Variants in IQGAP2 observed in about 807,000 individuals in gnomAD.
The protein encoded by IQGAP2 is ras GTPase-activating-like protein IQGAP2.
In IQGAP2, 173 loss-of-function variants were observed where a neutral mutation model predicts 201.3. The observed-to-expected ratio is 0.86, with a 90% CI of 0.76 to 0.98. The LOEUF is 0.98. IQGAP2 is among the 50% of genes least tolerant of loss of function. The pLI is 0.00. For synonymous variants in IQGAP2, 675 were observed against 673.9 expected (o/e 1.00, Z -0.03); for missense variants, 1,687 against 1,864.8 (o/e 0.90, Z 1.76).
intron 2 of IQGAP2, among the ~76,000 whole-genome samples, chr5:76,481,954 G>C (rs1280088012): frequency 6.6e-6 from 1 of 152,182 alleles, no homozygotes; most frequent in Non-Finnish European, 1.5e-5. Context: ...CATGTATTAG[G>C]AGGCAAATTA....
chr5:76,662,668 C>G (rs1743365228), intron 21 of IQGAP2, among the ~76,000 whole-genome samples: 1 of 152,174 alleles, frequency 6.6e-6, no homozygotes, highest in South Asian at 2.1e-4. Flanking sequence ...CACTGTAAGC[C>G]ACATTTATTC....
Position 76,695,539 on chromosome 5 carries a change from T to C in IQGAP2, c.4079T>C (p.Ile1360Thr), listed in dbSNP as rs372408098. The C allele has an allele frequency of 1.8e-5, 29 of 1,614,048 alleles. 1 individual carries two copies. Among genetic ancestry groups the C allele is most frequent in the East Asian group, 1.1e-4 (5 of 44,892 alleles). Residue 1360 changes from isoleucine (I) to threonine (T), a missense_variant, in exon 32 of 36, where the codon ATT becomes ACT. Physicochemically the swap from Ile to Thr is moderately conservative, Grantham distance 89. Coordinates refer to ENST00000274364, the MANE Select transcript of IQGAP2 (RefSeq NM_006633.5). ...PEEMKHSQSM[I>T]EDAQLPLEQK... ...GAAATGAAGCATAGCCAATCTATGA[T>C]TGAAGATGCACAGCTGCCTCTTGAG...
At chr5:76,567,833 A>T (rs1173918223) in intron 3 of IQGAP2, among the ~76,000 whole-genome samples, 1 of 152,196 alleles carries the variant, frequency 6.6e-6, no homozygotes. Context: ...TTCCTCATCT[A>T]TGCAGTTTAA....
intron 15 of IQGAP2, among the ~76,000 whole-genome samples, chr5:76,636,757 G>A (rs530754676): frequency 7.2e-5 from 11 of 152,150 alleles, no homozygotes; most frequent in Non-Finnish European, 1.5e-4. Flanking sequence ...CTTCTCTTTG[G>A]CTGCTTTTGG....
At chr5:76,699,087 C>T (rs1368854878) in intron 33 of IQGAP2, among the ~76,000 whole-genome samples, 2 of 152,142 alleles carry the variant, frequency 1.3e-5, no homozygotes, top group African/African-American at 2.4e-5. Context: ...ACTGATTCCT[C>T]CTAAGATTTC....
intron 3 of IQGAP2, among the ~76,000 whole-genome samples, chr5:76,567,320 G>A (rs998467595): frequency 1.2e-4 from 19 of 152,266 alleles, no homozygotes; most frequent in African/African-American, 3.6e-4. Flanking sequence ...GGAGCATTTC[G>A]GATTTCGGAT....
chr5:76,403,645 G>C lies in IQGAP2; in HGVS notation c.46+54G>C. ...GCTGGCCTTGGGGAGCTCCCTCCCC[G>C]AGGACGGCGTTGGAGAAGCCGAGGG... On this transcript the variant is annotated intron_variant, in intron 1 of 35. Transcript: ENST00000274364. The surrounding 1 kb of genome is among the most constrained non-coding windows in gnomAD (Gnocchi z 4.8). 6.4e-6 allele frequency: 9 copies of C among 1,396,246 alleles called. No homozygotes were observed. The highest frequency in any genetic ancestry group is 1.9e-4 in the Middle Eastern group (1 of 5,336). The allele number at this position is 1,396,246 out of a possible 1,614,324, so 86.5% of individuals were successfully genotyped here.
At chr5:76,656,646 T>A (rs1580739303) in intron 20 of IQGAP2, among the ~76,000 whole-genome samples, 1 of 152,290 alleles carries the variant, frequency 6.6e-6, no homozygotes, top group Non-Finnish European at 1.5e-5. Flanking sequence ...TGTTTTTTTT[T>A]AAGCAGTTAT....
chr5:76,430,416 A>G (rs1752299705), intron 1 of IQGAP2, among the ~76,000 whole-genome samples: 1 of 152,236 alleles, frequency 6.6e-6, no homozygotes, highest in Non-Finnish European at 1.5e-5. Flanking sequence ...TTACCAGAGC[A>G]TCTGCGAGTT....
chr5:76,671,750 C>G lies in IQGAP2; in HGVS notation c.2844-9C>G. ...GCAAACCATTTTGTTTTGTCTTGGG[C>G]TTTTTTAGATCAAAAGTGGACCAGG... On this transcript the variant is annotated splice_polypyrimidine_tract_variant and intron_variant, in intron 23 of 35. Transcript: ENST00000274364. The G allele has an allele frequency of 1.3e-6, 2 of 1,572,932 alleles. No homozygotes were observed. Among genetic ancestry groups the G allele is most frequent in the Non-Finnish European group, 1.7e-6 (2 of 1,146,560 alleles).
At position 76,697,514 on chromosome 5, in the gene IQGAP2, C is replaced by A. The variant is rs538101409; in HGVS notation, c.4207-473C>A. Among the ~76,000 whole-genome samples, 219 of 152,212 alleles carry A rather than the reference C, an allele frequency of 1.4e-3. 3 individuals are homozygous for A. The highest frequency in any genetic ancestry group is 4.2e-3 in the African/African-American group (174 of 41,526). ...CAAAAATTAGCCAGGCATATTGGCA[C>A]GGGCCTGCAGCCCCAGCTACTCAGG... On this transcript the variant is annotated intron_variant, in intron 32 of 35. Transcript: ENST00000274364.
At chr5:76,619,648 C>T (rs918582573) in intron 13 of IQGAP2, among the ~76,000 whole-genome samples, 1 of 151,700 alleles carries the variant, frequency 6.6e-6, no homozygotes, top group Non-Finnish European at 1.5e-5. Context: ...TCCCCAGTAG[C>T]TGGGACTACA....
At chr5:76,482,299 A>G (rs1755839569) in intron 2 of IQGAP2, among the ~76,000 whole-genome samples, 1 of 152,214 alleles carries the variant, frequency 6.6e-6, no homozygotes, top group African/African-American at 2.4e-5. Context: ...CTGAAGTTAA[A>G]TAACCAAAAT....
At chr5:76,420,159 A>G (rs1751650644) in intron 1 of IQGAP2, among the ~76,000 whole-genome samples, 1 of 152,130 alleles carries the variant, frequency 6.6e-6, no homozygotes, top group South Asian at 2.1e-4. Context: ...GGTGATGAAT[A>G]GATATTTTTA....
chr5:76,557,908 G>A (rs111790429), intron 2 of IQGAP2, among the ~76,000 whole-genome samples: 23,087 of 152,062 alleles, frequency 0.15, 1,923 homozygotes, highest in Admixed American at 0.27. Context: ...TCAGATTCAA[G>A]CGATTCTCCT....
intron 23 of IQGAP2, among the ~76,000 whole-genome samples, chr5:76,669,988 A>G (rs1291104014): frequency 6.6e-6 from 1 of 151,958 alleles, no homozygotes; most frequent in Non-Finnish European, 1.5e-5. Flanking sequence ...ACGCCTGGCT[A>G]ATTTTTGTAT....
At chr5:76,582,519 G>A (rs919656707) in intron 5 of IQGAP2, among the ~76,000 whole-genome samples, 1 of 152,098 alleles carries the variant, frequency 6.6e-6, no homozygotes, top group African/African-American at 2.4e-5. Flanking sequence ...CTACCATGAG[G>A]CTTTGATATA....
At chr5:76,643,419 T>A (rs749591655) in intron 17 of IQGAP2, among the ~76,000 whole-genome samples, 5 of 152,200 alleles carry the variant, frequency 3.3e-5, no homozygotes, top group Non-Finnish European at 5.9e-5. Context: ...AAAAATATAA[T>A]GCCCATTTTA....
rs758757717 is a variant in IQGAP2 at position 76,673,492 on chromosome 5, C to T, written c.3112C>T (p.Pro1038Ser). 3.6e-5 allele frequency: 58 copies of T among 1,613,832 alleles called. No homozygotes were observed. Among genetic ancestry groups the T allele is most frequent in the Non-Finnish European group, 4.3e-5 (51 of 1,179,942 alleles). Residue 1038 changes from proline to serine, a missense_variant, in exon 25 of 36, where the codon CCA (proline) becomes TCA (serine). Transcript: ENST00000274364. ...DVTTEQALTYPEVKNKLEASI... is the reference protein window; with the variant it reads ...DVTTEQALTYSEVKNKLEASI... ...GACCACAGAACAAGCTCTAACATACCCAGAAGTGAAAAATAAACTGGAGGC... is the reference window on the plus strand; with the variant it reads ...GACCACAGAACAAGCTCTAACATACTCAGAAGTGAAAAATAAACTGGAGGC...
Sources: allele counts gnomAD v4.1 joint callset (sites outside exome capture counted in the v4.1 genomes callset), GRCh38; gene constraint gnomAD v4.1.1; non-coding constraint Gnocchi (gnomAD v3.1); transcripts MANE v1.5; gene names NCBI Gene and HGNC (gene_info 2026-07-23, HGNC 2026-07-21).